PRIM2: variants seen among roughly 807,000 people sequenced by gnomAD.
PRIM2 encodes the protein DNA primase subunit 2.
Under a neutral mutation model 67.3 loss-of-function variants are expected in PRIM2, and 39 were observed. The ratio of observed to expected loss-of-function variants is 0.58; its 90% CI spans 0.45 to 0.76. The LOEUF is 0.76. Ranked by LOEUF, PRIM2 falls within the 30% of genes least tolerant of loss-of-function variation. The probability of loss-of-function intolerance (pLI) is 0.00; values close to 1 mark genes in which losing one functional copy is unlikely to be tolerated. For missense variants in PRIM2, 398 were observed against 598.7 expected (o/e 0.66, Z 3.50); for synonymous variants, 143 against 198.7 (o/e 0.72, Z 2.36).
At chr6:57,390,794 C>T (rs572279702) in intron 7 of PRIM2, among the ~76,000 whole-genome samples, 1 of 152,272 alleles carries the variant, frequency 6.6e-6, no homozygotes, top group East Asian at 1.9e-4. Context: ...CACTGAAGGA[C>T]ATTTAGGTTG....
intron 7 of PRIM2, among the ~76,000 whole-genome samples, chr6:57,469,579 T>C (rs1773288376): frequency 6.6e-6 from 1 of 152,232 alleles, no homozygotes; most frequent in African/African-American, 2.4e-5. Flanking sequence ...AGAAACAAGC[T>C]AATTTGTATG....
intron 12 of PRIM2, among the ~76,000 whole-genome samples, chr6:57,616,760 CT>C (rs1454213218): frequency 6.6e-6 from 1 of 152,102 alleles, no homozygotes; most frequent in East Asian, 1.9e-4. Context: ...AGTTCCAAAC[CT>C]TTTCATCACC....
chr6:57,466,544 G>C (rs186443934), intron 7 of PRIM2, among the ~76,000 whole-genome samples: 42 of 152,314 alleles, frequency 2.8e-4, no homozygotes, highest in Admixed American at 2.5e-3. Context: ...TCCCATTGTG[G>C]TTTTGATTTG....
rs1320245998 is a variant in PRIM2 at position 57,569,690 on chromosome 6, C to T, written c.1021-31403C>T. Among the ~76,000 whole-genome samples, 461 of 151,806 alleles carry T rather than the reference C, an allele frequency of 3.0e-3. 22 individuals carry two copies. The East Asian group carries it at 0.084, about 28-fold the overall frequency. On this transcript the variant is annotated intron_variant, in intron 10 of 13. Coordinates refer to ENST00000615550, the MANE Select transcript of PRIM2 (RefSeq NM_000947.5). ...ATATATATTGAGGTTTATAATCTGC[C>T]TATGAATTCTAAGGTGAATTCATCA...
At chr6:57,308,800 A>G in the PRIM2 span, among the ~76,000 whole-genome samples, 1 of 152,170 alleles carries the variant, frequency 6.6e-6, no homozygotes, top group East Asian at 1.9e-4. Flanking sequence ...TTTATCATTT[A>G]CATTTCCTTC....
the PRIM2 span, among the ~76,000 whole-genome samples, chr6:57,248,224 C>A: frequency 6.6e-6 from 1 of 152,136 alleles, no homozygotes; most frequent in Non-Finnish European, 1.5e-5. Flanking sequence ...ATGGTAGGAG[C>A]GGTTTCAAAT....
intron 3 of PRIM2, among the ~76,000 whole-genome samples, chr6:57,323,411 T>A (rs1767728574): frequency 6.6e-6 from 1 of 152,024 alleles, no homozygotes; most frequent in Non-Finnish European, 1.5e-5. Flanking sequence ...GGATATAGGC[T>A]GGATAAGAAG....
the PRIM2 span, among the ~76,000 whole-genome samples, chr6:57,242,075 TTAA>T: frequency 6.6e-6 from 1 of 152,240 alleles, no homozygotes; most frequent in Non-Finnish European, 1.5e-5. Context: ...CTCACTATTA[TTAA>T]TAATATTAAC....
At chr6:57,542,738 TAC>T in intron 10 of PRIM2, among the ~76,000 whole-genome samples, 1 of 152,054 alleles carries the variant, frequency 6.6e-6, no homozygotes, top group South Asian at 2.1e-4. Context: ...GTTCTGTTGT[TAC>T]ATAGTCCGTA....
At chr6:57,327,686 G>T (rs1035238484) in intron 5 of PRIM2, among the ~76,000 whole-genome samples, 14 of 152,206 alleles carry the variant, frequency 9.2e-5, no homozygotes, top group African/African-American at 3.4e-4. Flanking sequence ...ATCAATTACA[G>T]TTAATTTATC....
intron 10 of PRIM2, among the ~76,000 whole-genome samples, chr6:57,544,561 A>G (rs1392697164): frequency 1.3e-5 from 2 of 152,158 alleles, no homozygotes; most frequent in Non-Finnish European, 2.9e-5. Context: ...CAGAGTTACT[A>G]GTTTGGATTA....
chr6:57,562,093 T>C (rs1332515569), intron 10 of PRIM2, among the ~76,000 whole-genome samples: 50 of 152,250 alleles, frequency 3.3e-4, no homozygotes, highest in African/African-American at 1.1e-3. Flanking sequence ...GTTTGCTGTC[T>C]TAGGTGGGTG....
At chr6:57,312,071 GGA>G (rs1278771740), upstream of PRIM2, among the ~76,000 whole-genome samples, 1 of 123,476 alleles carries the variant, frequency 8.1e-6, no homozygotes, top group Non-Finnish European at 1.7e-5. Flanking sequence ...GGGAGAGGGG[GGA>G]GAGGGCTTTT....
the PRIM2 span, among the ~76,000 whole-genome samples, chr6:57,255,978 G>T: frequency 1.3e-5 from 2 of 151,852 alleles, no homozygotes; most frequent in Non-Finnish European, 2.9e-5. Context: ...TAAATGCTGA[G>T]TAAACAAATT....
intron 10 of PRIM2, among the ~76,000 whole-genome samples, chr6:57,583,135 G>A (rs1776127733): frequency 6.7e-6 from 1 of 148,252 alleles, no homozygotes; most frequent in African/African-American, 2.5e-5. Flanking sequence ...TTTTATGGCT[G>A]CATAGTATTC....
chr6:57,338,978 T>C (rs376856480), intron 5 of PRIM2, among the ~76,000 whole-genome samples: 60 of 152,262 alleles, frequency 3.9e-4, no homozygotes, highest in Middle Eastern at 3.4e-3. Context: ...CCCAAAATCT[T>C]CTTAAGCTGA....
At chr6:57,444,298 G>C (rs1053309037) in intron 7 of PRIM2, among the ~76,000 whole-genome samples, 1 of 152,098 alleles carries the variant, frequency 6.6e-6, no homozygotes, top group African/African-American at 2.4e-5. Context: ...GCTGGGCGCG[G>C]TAGCTCATGC....
At chr6:57,425,064 ATTATAC>A (rs1771577307) in intron 7 of PRIM2, among the ~76,000 whole-genome samples, 3 of 152,198 alleles carry the variant, frequency 2.0e-5, no homozygotes, top group South Asian at 4.1e-4. Flanking sequence ...ACTGTGAAAT[ATTATAC>A]TTAGGAATAG....
intron 7 of PRIM2, among the ~76,000 whole-genome samples, chr6:57,400,988 A>G (rs1472251707): frequency 2.0e-5 from 3 of 151,938 alleles, no homozygotes; most frequent in Non-Finnish European, 2.9e-5. Flanking sequence ...TATACTGGCT[A>G]TTTCCTCCTT....
Sources: gnomAD v4.1 joint callset for allele counts (sites outside exome capture counted in the v4.1 genomes callset) on GRCh38, gnomAD v4.1.1 for gene constraint, MANE v1.5 for transcripts, NCBI Gene and HGNC (gene_info 2026-07-23, HGNC 2026-07-21) for gene names.